Variants in PDE1A observed in about 807,000 individuals in gnomAD.
PDE1A encodes phosphodiesterase 1A, also known as dual specificity calcium/calmodulin-dependent 3',5'-cyclic nucleotide phosphodiesterase 1A.
In PDE1A, 35 loss-of-function variants were observed where a neutral mutation model predicts 61.7. The ratio of observed to expected loss-of-function variants is 0.57; its 90% confidence interval spans 0.43 to 0.75. The LOEUF is 0.75. PDE1A is among the 30% of genes least tolerant of loss of function. The pLI, the probability that PDE1A is intolerant of heterozygous loss-of-function variation, is 0.00. For missense variants in PDE1A, 597 were observed against 630.6 expected (o/e 0.95, Z 0.57); for synonymous variants, 232 against 213.2 (o/e 1.09, Z -0.77).
Position 182,362,426 on chromosome 2 carries a change from T to C in PDE1A, c.53+64152A>G, listed in dbSNP as rs1034443203. Among the ~76,000 whole-genome samples, 8 of 151,928 alleles carry C rather than the reference T, an allele frequency of 5.3e-5. 1 individual carries two copies. Among genetic ancestry groups the C allele is most frequent in the Non-Finnish European group, 8.8e-5 (6 of 67,942 alleles). On this transcript the variant is annotated intron_variant, in intron 1 of 13. Transcript: ENST00000351439. ...AGACAGGAACAGGTGATTACAAAAT[T>C]TAAACAATAATAGACAATTATAAGA...
intron 1 of PDE1A, among the ~76,000 whole-genome samples, chr2:182,403,216 A>T (rs1194941148): frequency 6.6e-6 from 1 of 152,210 alleles, no homozygotes; most frequent in Non-Finnish European, 1.5e-5. Flanking sequence ...ACAAAGACAC[A>T]TGCACACATA....
intron 1 of PDE1A, among the ~76,000 whole-genome samples, chr2:182,344,995 A>G (rs931441443): frequency 6.6e-6 from 1 of 152,134 alleles, no homozygotes; most frequent in African/African-American, 2.4e-5. Flanking sequence ...TTGGTTTTCT[A>G]CCAGGTCTGC....
chr2:182,415,790 C>T (rs1308167330), intron 1 of PDE1A, among the ~76,000 whole-genome samples: 1 of 152,010 alleles, frequency 6.6e-6, no homozygotes, highest in African/African-American at 2.4e-5. Context: ...TTTCTCTCTC[C>T]ATGTCTAGAA....
the PDE1A span, among the ~76,000 whole-genome samples, chr2:182,666,312 T>A: frequency 1.3e-4 from 20 of 152,324 alleles, no homozygotes; most frequent in African/African-American, 4.6e-4. Context: ...GATTACTACA[T>A]GTTTTAAAAA....
chr2:182,618,540 G>A, the PDE1A span, among the ~76,000 whole-genome samples: 1 of 151,512 alleles, frequency 6.6e-6, no homozygotes, highest in African/African-American at 2.4e-5. Context: ...TCTACACTAA[G>A]AATCATTGTT....
chr2:182,563,887 T>C, the PDE1A span, among the ~76,000 whole-genome samples: 1 of 152,180 alleles, frequency 6.6e-6, no homozygotes, highest in Non-Finnish European at 1.5e-5. Flanking sequence ...CCCTGCCTTT[T>C]TTTGTTTTCC....
At chr2:182,183,115 C>T (rs544817888) in intron 13 of PDE1A, among the ~76,000 whole-genome samples, 1 of 152,184 alleles carries the variant, frequency 6.6e-6, no homozygotes, top group South Asian at 2.1e-4. Context: ...GCGCTTAGTA[C>T]TCTAGACACT....
chr2:182,582,587 G>A, the PDE1A span, among the ~76,000 whole-genome samples: 3 of 152,216 alleles, frequency 2.0e-5, no homozygotes, highest in African/African-American at 7.2e-5. Context: ...AAAGAGATGG[G>A]AGAGTGCCAC....
chr2:182,501,066 A>G (rs1689057568), intron 2 of PDE1A, among the ~76,000 whole-genome samples: 1 of 152,236 alleles, frequency 6.6e-6, no homozygotes, highest in Non-Finnish European at 1.5e-5. Flanking sequence ...CTTGCTGAGC[A>G]TGTGCAAATT....
chr2:182,315,731 G>A (rs1696296116), intron 1 of PDE1A, among the ~76,000 whole-genome samples: 1 of 152,180 alleles, frequency 6.6e-6, no homozygotes, highest in Admixed American at 6.5e-5. Flanking sequence ...CATGTAGGAT[G>A]CTTTAGTGCC....
chr2:182,344,721 TTC>T (rs773754432), intron 1 of PDE1A, among the ~76,000 whole-genome samples: 76 of 98,822 alleles, frequency 7.7e-4, no homozygotes, highest in Non-Finnish European at 1.6e-3. Context: ...TTTCTTTCCT[TTC>T]TCTCTGTCTC....
the PDE1A span, among the ~76,000 whole-genome samples, chr2:182,669,611 T>G: frequency 6.6e-6 from 1 of 152,254 alleles, no homozygotes; most frequent in Non-Finnish European, 1.5e-5. Context: ...TTAAAGATTT[T>G]TAATGAACTC....
the PDE1A span, among the ~76,000 whole-genome samples, chr2:182,663,369 C>A: frequency 6.6e-6 from 1 of 152,176 alleles, no homozygotes; most frequent in African/African-American, 2.4e-5. Context: ...AAGACACATT[C>A]ATGCAATTGT....
chr2:182,693,477 A>G, the PDE1A span, among the ~76,000 whole-genome samples: 1 of 152,174 alleles, frequency 6.6e-6, no homozygotes, highest in South Asian at 2.1e-4. Context: ...ACTTCTTTGC[A>G]TAAATGTCTT....
At chr2:182,500,945 T>C (rs1352933795) in intron 2 of PDE1A, among the ~76,000 whole-genome samples, 2 of 152,232 alleles carry the variant, frequency 1.3e-5, no homozygotes, top group African/African-American at 4.8e-5. Flanking sequence ...GTACATAATT[T>C]TGTATCATTG....
chr2:182,447,412 C>CAGA (rs1685216782), intron 2 of PDE1A, among the ~76,000 whole-genome samples: 1 of 152,048 alleles, frequency 6.6e-6, no homozygotes, highest in African/African-American at 2.4e-5. Flanking sequence ...TTTCCAGTGA[C>CAGA]CTTCCTGATT....
intron 1 of PDE1A, among the ~76,000 whole-genome samples, chr2:182,336,800 T>C (rs1331527552): frequency 4.7e-5 from 7 of 149,990 alleles, no homozygotes; most frequent in African/African-American, 1.5e-4. Context: ...AGTTGAACAA[T>C]GAGAACACAT....
chr2:182,488,255 G>T (rs1420600750), intron 2 of PDE1A, among the ~76,000 whole-genome samples: 1 of 152,086 alleles, frequency 6.6e-6, no homozygotes, highest in Non-Finnish European at 1.5e-5. Flanking sequence ...AACCAGTTTG[G>T]TTCAATTAAA....
the PDE1A span, among the ~76,000 whole-genome samples, chr2:182,566,812 G>C: frequency 6.6e-6 from 1 of 152,024 alleles, no homozygotes; most frequent in Non-Finnish European, 1.5e-5. Context: ...TCTGTAAATA[G>C]CAACACTGCT....
Sources: allele counts gnomAD v4.1 joint callset (sites outside exome capture counted in the v4.1 genomes callset), GRCh38; gene constraint gnomAD v4.1.1; transcripts MANE v1.5; gene names NCBI Gene and HGNC (gene_info 2026-07-23, HGNC 2026-07-21).